The following GRIP1 variants were observed in gnomAD, a reference collection of about 807,000 sequenced individuals.
The protein encoded by GRIP1 is glutamate receptor-interacting protein 1.
In GRIP1, 45 loss-of-function variants were observed where a neutral mutation model predicts 129.9. The observed-to-expected ratio is 0.35, with a 90% CI of 0.27 to 0.44. GRIP1 has a LOEUF of 0.44. Ranked by LOEUF, GRIP1 falls within the 20% of genes least tolerant of loss-of-function variation. The probability of loss-of-function intolerance (pLI) is 1.00; values close to 1 mark genes in which losing one functional copy is unlikely to be tolerated. For missense variants in GRIP1, 1,196 were observed against 1,396.8 expected, an observed-to-expected ratio of 0.86 and a Z score of 2.29; for synonymous variants, 530 against 520.8, an observed-to-expected ratio of 1.02 and a Z score of -0.24.
At chr12:66,733,717 G>A (rs896069223) in intron 1 of GRIP1, among the ~76,000 whole-genome samples, 2 of 152,172 alleles carry the variant, frequency 1.3e-5, no homozygotes, top group South Asian at 2.1e-4. Context: ...TCTAGCAGCT[G>A]TGTACAATAT....
chr12:66,414,095 C>T (rs747215884), intron 15 of GRIP1, among the ~76,000 whole-genome samples: 10 of 151,982 alleles, frequency 6.6e-5, no homozygotes, highest in Non-Finnish European at 1.5e-4. Context: ...AAGTTCTGAC[C>T]AGGGCAATCA....
chr12:66,583,078 A>T (rs1175633992), intron 2 of GRIP1, among the ~76,000 whole-genome samples: 2 of 151,730 alleles, frequency 1.3e-5, no homozygotes, highest in Non-Finnish European at 3.0e-5. Flanking sequence ...AATGGAACAG[A>T]ACAGAGCCCT....
At chr12:66,566,591 T>A (rs991472228) in intron 2 of GRIP1, among the ~76,000 whole-genome samples, 2 of 152,062 alleles carry the variant, frequency 1.3e-5, no homozygotes, top group Admixed American at 1.3e-4. Flanking sequence ...TTTTTGTTGT[T>A]GTTGTGTCCT....
Position 66,717,950 on chromosome 12 carries a change from GT to G in GRIP1, c.-420+86102del, listed in dbSNP as rs531795467. ...GGAGATGGCACATCTTGTTTCCTGG[GT>G]GTGCCAGGAAAGATGTGTTCCTGGA... On this transcript the variant is annotated intron_variant, in intron 1 of 4. Transcript: ENST00000538373. Among the ~76,000 whole-genome samples the G allele has an allele frequency of 4.6e-5, 7 of 152,098 alleles. No individual in the cohort carries two copies. In the South Asian group the frequency reaches 8.3e-4, roughly 18 times the overall value.
chr12:66,610,098 A>C (rs924490145), intron 1 of GRIP1, among the ~76,000 whole-genome samples: 1 of 152,124 alleles, frequency 6.6e-6, no homozygotes, highest in African/African-American at 2.4e-5. Flanking sequence ...AATTTTTATG[A>C]AATACAATAT....
intron 4 of GRIP1, among the ~76,000 whole-genome samples, chr12:66,536,195 G>A (rs1243217919): frequency 6.6e-6 from 1 of 152,122 alleles, no homozygotes; most frequent in Non-Finnish European, 1.5e-5. Context: ...ATGGATCACT[G>A]TAACTGCCCT....
intron 16 of GRIP1, among the ~76,000 whole-genome samples, chr12:66,398,611 T>G (rs1192452618): frequency 6.6e-6 from 1 of 152,040 alleles, no homozygotes; most frequent in Non-Finnish European, 1.5e-5. Flanking sequence ...CCACAGCTTC[T>G]GTGCATTCTT....
chr12:66,758,243 T>C (rs1196624465), intron 1 of GRIP1, among the ~76,000 whole-genome samples: 1 of 152,138 alleles, frequency 6.6e-6, no homozygotes, highest in Non-Finnish European at 1.5e-5. Flanking sequence ...GTAAAAGGCA[T>C]TTCTTACATG....
intron 1 of GRIP1, among the ~76,000 whole-genome samples, chr12:66,727,784 A>G (rs1457970759): frequency 6.6e-6 from 1 of 152,230 alleles, no homozygotes; most frequent in African/African-American, 2.4e-5. Flanking sequence ...ATGAGGATCT[A>G]TTAACATAAG....
rs12299475 is a variant in GRIP1 at position 66,783,961 on chromosome 12, A to C, written c.-420+20092T>G. 8.8e-3 allele frequency among the ~76,000 whole-genome samples: 1,346 copies of C among 152,258 alleles called. 14 individuals carry two copies. The highest frequency in any genetic ancestry group is 0.031 in the African/African-American group (1,297 of 41,546). ...TGCATTGCAAAATGCATTTCCTTTC[A>C]ATTCATTCATATTGTAAGACTATCA... On this transcript the variant is annotated intron_variant, in intron 1 of 4. Transcript: ENST00000538373.
intron 7 of GRIP1, among the ~76,000 whole-genome samples, chr12:66,500,919 C>T (rs144645972): frequency 3.0e-3 from 453 of 152,360 alleles, no homozygotes; most frequent in Middle Eastern, 6.8e-3. Context: ...CAACCTGCTT[C>T]TGAGAATTTG....
At chr12:66,574,050 A>T (rs561582486) in intron 2 of GRIP1, among the ~76,000 whole-genome samples, 4 of 152,288 alleles carry the variant, frequency 2.6e-5, no homozygotes, top group African/African-American at 9.6e-5. Flanking sequence ...ACTCACATAA[A>T]TGGTGAGTTG....
At chr12:66,712,867 C>T (rs558787611) in intron 1 of GRIP1, among the ~76,000 whole-genome samples, 46 of 152,052 alleles carry the variant, frequency 3.0e-4, no homozygotes, top group South Asian at 8.3e-4. Context: ...ATGAGTTTTG[C>T]TTGCGTGTCT....
At chr12:66,956,877 G>C (rs1255575906) in intron 1 of GRIP1, among the ~76,000 whole-genome samples, 1 of 152,042 alleles carries the variant, frequency 6.6e-6, no homozygotes, top group Non-Finnish European at 1.5e-5. Flanking sequence ...ATTTATTTCT[G>C]TTATCTACCT....
At chr12:67,064,706 G>C (rs1394184572) in intron 1 of GRIP1, among the ~76,000 whole-genome samples, 1 of 152,162 alleles carries the variant, frequency 6.6e-6, no homozygotes, top group Non-Finnish European at 1.5e-5. Context: ...GGCCAAGTTT[G>C]TAGTAAAGGT....
intron 19 of GRIP1, among the ~76,000 whole-genome samples, chr12:66,380,811 C>T (rs753170558): frequency 1.1e-4 from 16 of 152,130 alleles, no homozygotes; most frequent in Admixed American, 6.5e-5. Flanking sequence ...CGCCTTCATC[C>T]ACTACCTCAG....
chr12:66,519,826 T>G (rs181671904), intron 5 of GRIP1, among the ~76,000 whole-genome samples: 1 of 152,362 alleles, frequency 6.6e-6, no homozygotes, highest in African/African-American at 2.4e-5. Context: ...CCTACAATTT[T>G]ACATTTGAGA....
chr12:67,014,421 C>T (rs550277487), intron 1 of GRIP1, among the ~76,000 whole-genome samples: 16 of 152,172 alleles, frequency 1.1e-4, no homozygotes, highest in Non-Finnish European at 2.4e-4. Flanking sequence ...CAAATGAAAA[C>T]TGCAGAAAAC....
intron 9 of GRIP1, 34 bp downstream of exon 9, chr12:66,462,890 A>G (rs2059176050): frequency 6.4e-7 from 1 of 1,567,044 alleles, no homozygotes; most frequent in African/African-American, 1.4e-5. Flanking sequence ...TGTGAGGGCC[A>G]GAGAAAGAGC....
Sources: gnomAD v4.1 joint callset for allele counts (sites outside exome capture counted in the v4.1 genomes callset) on GRCh38, gnomAD v4.1.1 for gene constraint, MANE v1.5 for transcripts, NCBI Gene and HGNC (gene_info 2026-07-23, HGNC 2026-07-21) for gene names.